The following CYBB variants were observed in gnomAD, a reference collection of about 807,000 sequenced individuals.
CYBB encodes the protein NADPH oxidase 2.
A neutral mutation model predicts 46.5 loss-of-function variants in CYBB; 5 were observed. The ratio of observed to expected loss-of-function variants is 0.11; its 90% CI spans 0.06 to 0.23. CYBB has a LOEUF of 0.23. CYBB is among the 10% of genes least tolerant of loss of function. CYBB has a pLI of 1.00. For missense variants in CYBB, 307 were observed against 428.3 expected (o/e 0.72, Z 2.50); for synonymous variants, 183 against 156.7 (o/e 1.17, Z -1.26).
In CYBB at chrX:37,796,078, T is replaced by C. The variant is rs1556468371; in HGVS notation, c.611T>C (p.Val204Ala). The change falls in exon 6 of 13, where the codon GTC (valine) becomes GCC (alanine). Residue 204 changes from valine to alanine, a missense_variant. This residue lies in a region of CYBB where 82 missense variants were observed against 69.9 expected (regional missense o/e 1.17). Coordinates refer to ENST00000378588, the MANE Select transcript of CYBB (RefSeq NM_000397.4). ...ACCATCCGGAGGTCTTACTTTGAAG[T>C]CTTTTGGTACACACATCATCTCTTT... ...TKTIRRSYFE[V>A]FWYTHHLFVI... 2.5e-6 allele frequency: 3 copies of C among 1,208,626 alleles called. No homozygotes were observed. The highest frequency in any genetic ancestry group is 3.5e-5 in the South Asian group (2 of 56,858).
intron 3 of CYBB, among the ~76,000 whole-genome samples, chrX:37,787,635 T>C (rs1356449713): frequency 1.8e-5 from 2 of 111,568 alleles, no homozygotes; most frequent in Non-Finnish European, 3.8e-5. Flanking sequence ...GATGGCAACG[T>C]GGATAATTGG....
chrX:37,801,668 G>A (rs782672634), intron 8 of CYBB, among the ~76,000 whole-genome samples: 42 of 107,203 alleles, frequency 3.9e-4, no homozygotes, highest in African/African-American at 1.4e-3. Flanking sequence ...AGGGGAAGGC[G>A]ACAGAGGCAT....
chrX:37,799,961 CTT>C (rs1164354695), intron 7 of CYBB, among the ~76,000 whole-genome samples: 2 of 111,037 alleles, frequency 1.8e-5, no homozygotes, highest in African/African-American at 3.3e-5. Context: ...TTCCTACTCT[CTT>C]AGCATAGGAG....
chrX:37,791,880 G>A (rs1929204258), intron 3 of CYBB, 95 bp from the exon 4 acceptor site: 6 of 665,009 alleles, frequency 9.0e-6, no homozygotes, highest in Non-Finnish European at 1.5e-5. Flanking sequence ...GGGTGGTCAT[G>A]AAAATTAAAT....
intron 7 of CYBB, 65 bp from the exon 8 acceptor site, chrX:37,801,191 C>A: frequency 1.3e-6 from 1 of 787,142 alleles, no homozygotes; most frequent in Non-Finnish European, 2.0e-6. Context: ...ATTTTTCTCC[C>A]TCTGAATATT....
At chrX:37,801,018 C>T (rs1331486063) in intron 7 of CYBB, among the ~76,000 whole-genome samples, 1 of 112,168 alleles carries the variant, frequency 8.9e-6, no homozygotes, top group Admixed American at 9.4e-5. Flanking sequence ...AAAGTTTTAT[C>T]TTGTCAGTAC....
chrX:37,801,276 T>A lies in CYBB; in HGVS notation c.825T>A (p.Gly275=), dbSNP rs1556469822. The A allele has an allele frequency of 9.1e-6, 11 of 1,207,077 alleles. No homozygotes were observed. The highest frequency in any genetic ancestry group is 1.2e-5 in the Non-Finnish European group (11 of 891,473). The change falls in exon 8 of 13, where the codon GGT becomes GGA. Residue 275 remains glycine (G), a synonymous_variant. Transcript: ENST00000378588. The stretch of plus-strand genomic sequence containing the variant: ...TACAGACTTGGAAATGGATAGTGGG[T>A]CCCATGTTTCTGTATCTCTGTGAGA... ...NPPMTWKWIV[G]PMFLYLCERL...
At chrX:37,809,441 T>A (rs1556472609) in intron 11 of CYBB, 126 bp from the exon 12 acceptor site, 1 of 770,478 alleles carries the variant, frequency 1.3e-6, no homozygotes, top group Non-Finnish European at 1.9e-6. Context: ...AGTTTATTTA[T>A]CTTTGTTTAC....
At chrX:37,794,154 C>T (rs185803354) in intron 5 of CYBB, among the ~76,000 whole-genome samples, 101 of 111,684 alleles carry the variant, frequency 9.0e-4, no homozygotes, top group African/African-American at 3.1e-3. Context: ...TTATTACTTG[C>T]TACAGCAAAA....
chrX:37,787,271 T>C (rs1556465753), intron 3 of CYBB, among the ~76,000 whole-genome samples: 1 of 112,363 alleles, frequency 8.9e-6, no homozygotes, highest in Non-Finnish European at 1.9e-5. Flanking sequence ...AGATTCAAAG[T>C]TGGATTTTGT....
intron 8 of CYBB, among the ~76,000 whole-genome samples, chrX:37,801,905 C>A (rs1929454160): frequency 9.1e-6 from 1 of 110,460 alleles, no homozygotes; most frequent in Admixed American, 9.7e-5. Flanking sequence ...AAATAAGCTG[C>A]CTCTCAAATT....
chrX:37,796,890 G>C lies in CYBB; in HGVS notation c.674+749G>C, dbSNP rs367580769. On this transcript the variant is annotated intron_variant, in intron 6 of 12. Transcript: ENST00000378588. Reference sequence around the variant, plus strand: ...ATTGGAGCCAGGCAGTCTAAAGCAGGCTGTGATAAATGTTCTCTTAGAGAC... The same window carrying C: ...ATTGGAGCCAGGCAGTCTAAAGCAGCCTGTGATAAATGTTCTCTTAGAGAC... 1.3e-4 allele frequency among the ~76,000 whole-genome samples: 15 copies of C among 111,901 alleles called. No homozygotes were observed. The East Asian group carries it at 3.1e-3, about 23-fold the overall frequency.
intron 9 of CYBB, 30 bp downstream of exon 9, chrX:37,804,160 T>C (rs782563157): frequency 8.3e-7 from 1 of 1,202,666 alleles, no homozygotes; most frequent in South Asian, 1.8e-5. Context: ...TACCAACGTA[T>C]ATGAGTTCAG....
In CYBB at chrX:37,790,317, G is replaced by A. The variant is rs782644786; in HGVS notation, c.253-1658G>A. On this transcript the variant is annotated intron_variant, in intron 3 of 12. Coordinates refer to ENST00000378588, the MANE Select transcript of CYBB (RefSeq NM_000397.4). ...ATAGAATACTTACACTTAAATTCTTGTCACAGGTTTCTAGGCACTTAGAAT... is the reference window on the plus strand; with the variant it reads ...ATAGAATACTTACACTTAAATTCTTATCACAGGTTTCTAGGCACTTAGAAT... Among the ~76,000 whole-genome samples, 3 of 111,265 alleles carry A rather than the reference G, an allele frequency of 2.7e-5. No homozygotes were observed. The South Asian group carries it at 1.1e-3, about 42-fold the overall frequency.
intron 5 of CYBB, among the ~76,000 whole-genome samples, chrX:37,795,004 T>G (rs1433859771): frequency 8.9e-6 from 1 of 111,967 alleles, no homozygotes; most frequent in Admixed American, 9.5e-5. Flanking sequence ...ATTCATTGTT[T>G]GCCCAATGAT....
At chrX:37,789,556 A>T (rs1399941397) in intron 3 of CYBB, among the ~76,000 whole-genome samples, 1 of 110,797 alleles carries the variant, frequency 9.0e-6, no homozygotes, top group Non-Finnish European at 1.9e-5. Flanking sequence ...TAAATAAACT[A>T]TAAAGGAACA....
At chrX:37,807,833 G>A (rs1295169138) in intron 11 of CYBB, among the ~76,000 whole-genome samples, 1 of 111,041 alleles carries the variant, frequency 9.0e-6, no homozygotes, top group African/African-American at 3.3e-5. Context: ...ATTTTGCTCT[G>A]CTCCTCCCCA....
chrX:37,789,472 A>G (rs1452272448), intron 3 of CYBB, among the ~76,000 whole-genome samples: 1 of 97,135 alleles, frequency 1.0e-5, no homozygotes, highest in East Asian at 3.0e-4. Flanking sequence ...AGAAAGAAAG[A>G]AGGAAAGAAA....
Position 37,795,889 on chromosome X carries a change from CATGTGT to C in CYBB, c.484-61_484-56del, listed in dbSNP as rs782238864. 3.5e-4 allele frequency: 241 copies of C among 689,477 alleles called. 1 individual carries two copies. The African/African-American group carries it at 4.5e-3, about 13-fold the overall frequency. 56.8% of individuals were successfully genotyped at this position (689,477 alleles called of 1,213,427 possible). On this transcript the variant is annotated intron_variant, in intron 5 of 12. Coordinates refer to ENST00000378588, the MANE Select transcript of CYBB (RefSeq NM_000397.4). ...GAACCTATAATATTGTGCTTGCGCA[CATGTGT>C]GTGTGTGTGTGTGTGTGTGTGTGTG...
Sources: allele counts gnomAD v4.1 joint callset (sites outside exome capture counted in the v4.1 genomes callset), GRCh38; gene constraint gnomAD v4.1.1; regional missense constraint gnomAD v4.1.1; transcripts MANE v1.5; gene names NCBI Gene and HGNC (gene_info 2026-07-23, HGNC 2026-07-21).